NBPF3: variants seen among roughly 807,000 people sequenced by gnomAD.
NBPF3 encodes NBPF family member NBPF3.
A neutral mutation model predicts 78.1 loss-of-function variants in NBPF3; 57 were observed. The observed-to-expected ratio is 0.73, with a 90% confidence interval of 0.59 to 0.91. The LOEUF (loss-of-function observed/expected upper bound fraction) is 0.91, where lower values mean the gene tolerates loss of function less well. NBPF3 is among the 40% of genes least tolerant of loss of function. The pLI is 0.00. For missense variants in NBPF3, 510 were observed against 715.3 expected (o/e 0.71, Z 3.27); for synonymous variants, 182 against 271.7 (o/e 0.67, Z 3.25).
rs1222688181 is a variant in NBPF3, at chr1:21,460,182, C to A, written c.134-8506C>A. 2 of 21,350 alleles carry A rather than the reference C, an allele frequency of 9.4e-5. 1 individual carries two copies. The highest frequency in any genetic ancestry group is 3.7e-4 in the Non-Finnish European group (2 of 5,338). The allele number at this position is 21,350 out of a possible 1,614,324, so 1.3% of individuals were successfully genotyped here. A position where few individuals can be genotyped will look rare whatever the true frequency, so the allele number is the denominator to read the frequency against. ...AGCTGCGTGCAGGCACTGCCGTCCTCACCACGGCTCTGCTGGCTGTGCAGT... is the reference window on the plus strand; with the variant it reads ...AGCTGCGTGCAGGCACTGCCGTCCTAACCACGGCTCTGCTGGCTGTGCAGT... On this transcript the variant is annotated intron_variant, in intron 2 of 14. Transcript: ENST00000318249. This position sits in a 1 kb window ranked among gnomAD's most constrained non-coding sequence, Gnocchi z 4.2.
intron 1 of NBPF3, among the ~76,000 whole-genome samples, chr1:21,443,899 T>G (rs1415434153): frequency 1.7e-4 from 26 of 152,200 alleles, no homozygotes; most frequent in Admixed American, 1.7e-3. Context: ...GCATGAGCCA[T>G]CACACCTGGC....
chr1:21,441,438 A>G (rs1640641261), intron 1 of NBPF3, among the ~76,000 whole-genome samples: 1 of 152,132 alleles, frequency 6.6e-6, no homozygotes, highest in Non-Finnish European at 1.5e-5. Context: ...CGGGCGCAGT[A>G]GATCACACCT....
At chr1:21,444,278 A>G (rs1190654868) in intron 1 of NBPF3, among the ~76,000 whole-genome samples, 1 of 152,246 alleles carries the variant, frequency 6.6e-6, no homozygotes, top group Non-Finnish European at 1.5e-5. Context: ...GGAAATGTCA[A>G]TGAAAAATAA....
At chr1:21,447,939 C>T (rs1191609829) in intron 2 of NBPF3, among the ~76,000 whole-genome samples, 1 of 152,082 alleles carries the variant, frequency 6.6e-6, no homozygotes, top group African/African-American at 2.4e-5. Context: ...TATTTGCCAT[C>T]TGTATATCTT....
chr1:21,475,958 G>A (rs1250178899), intron 8 of NBPF3, among the ~76,000 whole-genome samples: 2 of 152,006 alleles, frequency 1.3e-5, no homozygotes, highest in African/African-American at 2.4e-5. Flanking sequence ...GGGTGCTCCC[G>A]TATTGGATAT....
upstream of NBPF3, among the ~76,000 whole-genome samples, chr1:21,439,255 G>C (rs1402987854): frequency 2.0e-5 from 3 of 152,136 alleles, no homozygotes; most frequent in African/African-American, 7.2e-5. Context: ...CTCCAGCAAG[G>C]GTGACAGAGC....
chr1:21,471,984 A>G (rs1642625281), intron 5 of NBPF3, among the ~76,000 whole-genome samples: 1 of 152,172 alleles, frequency 6.6e-6, no homozygotes, highest in Non-Finnish European at 1.5e-5. Flanking sequence ...ACAGTATTTC[A>G]AATGTCCCTC....
chr1:21,468,702 T>A lies in NBPF3; in HGVS notation c.148T>A (p.Ser50Thr), dbSNP rs755140110. ...CTTCTCCCCAGTCCCTGGCCCCACC[T>A]CTTCTGCCACAAACGTCAGCATGGT... ...LRDPTVPGPT[S>T]SATNVSMVVS... Residue 50 changes from serine (S) to threonine (T), a missense_variant, in exon 3 of 15, where the codon TCT (serine) becomes ACT (threonine). By Grantham distance (58) the Ser-to-Thr change is moderately conservative. Coordinates refer to ENST00000318249, the MANE Select transcript of NBPF3 (RefSeq NM_032264.6). 31 of 1,613,262 alleles carry A rather than the reference T, an allele frequency of 1.9e-5. No homozygotes were observed. The East Asian group carries it at 6.9e-4, about 36-fold the overall frequency.
rs1336295031 is a variant in NBPF3, at chr1:21,460,438, T to C, written c.134-8250T>C. Among the ~76,000 whole-genome samples the C allele has an allele frequency of 1.3e-5, 2 of 152,198 alleles. No individual in the cohort carries two copies. Among genetic ancestry groups the C allele is most frequent in the Non-Finnish European group, 1.5e-5 (1 of 68,040 alleles). On this transcript the variant is annotated intron_variant, in intron 2 of 14. Transcript: ENST00000318249. The surrounding 1 kb of genome is among the most constrained non-coding windows in gnomAD (Gnocchi z 4.2). ...CCCGCCCTGTGTCCAAGTGTTCTCA[T>C]TGTTCAGTTCCCATCCATGAGTGAG...
intron 2 of NBPF3, chr1:21,468,170 G>C (rs1642381667): frequency 6.0e-6 from 1 of 165,414 alleles, no homozygotes; most frequent in South Asian, 1.7e-4. Flanking sequence ...ATAACCTGTT[G>C]GGAAACTGGT....
chr1:21,440,170 G>C lies in NBPF3; in HGVS notation c.-318G>C, dbSNP rs1566523. The C allele has an allele frequency of 0.45, 68,770 of 152,250 alleles. 17,375 individuals carry two copies. Among genetic ancestry groups the C allele is most frequent in the Middle Eastern group, 0.61 (180 of 294 alleles). 9.4% of individuals were successfully genotyped at this position (152,250 alleles called of 1,614,324 possible). ...GGGGTTGGGTGGCGGTTGAGACAGC[G>C]GCGGTACTGGGATGGGTAGGTGAGG... On this transcript the variant is annotated 5_prime_UTR_variant, in exon 1 of 15. Coordinates refer to ENST00000318249, the MANE Select transcript of NBPF3 (RefSeq NM_032264.6).
At chr1:21,452,699 C>T (rs550221047) in intron 2 of NBPF3, among the ~76,000 whole-genome samples, 9 of 152,338 alleles carry the variant, frequency 5.9e-5, no homozygotes, top group Non-Finnish European at 1.3e-4. Context: ...AAATGAGCAG[C>T]TGACAGTGGC....
Position 21,473,469 on chromosome 1 carries a change from A to G in NBPF3, c.824A>G (p.Glu275Gly). ...TGTTCAAATAGCCACCACCCTTGTG[A>G]GTCCAACCAGCCTTACGGGAACACC... ...ITCSNSHHPC[E>G]SNQPYGNTRI... Residue 275 changes from glutamate to glycine, a missense_variant, in exon 7 of 15, where the codon GAG becomes GGG. By Grantham distance (98) the Glu-to-Gly change is moderately conservative. Transcript: ENST00000318249. 1 of 1,614,230 alleles carries G rather than the reference A, an allele frequency of 6.2e-7. No homozygotes were observed. The highest frequency in any genetic ancestry group is 8.5e-7 in the Non-Finnish European group (1 of 1,180,046).
chr1:21,448,787 C>G (rs1641135701), intron 2 of NBPF3, among the ~76,000 whole-genome samples: 1 of 152,162 alleles, frequency 6.6e-6, no homozygotes, highest in Admixed American at 6.5e-5. Context: ...AGCTCTGACT[C>G]CTTGTGTGTT....
In NBPF3 at chr1:21,478,292, G is replaced by A. The variant is rs774033194; in HGVS notation, c.1141G>A (p.Ala381Thr). 3.1e-6 allele frequency: 5 copies of A among 1,613,932 alleles called. No individual in the cohort carries two copies. Among genetic ancestry groups the A allele is most frequent in the South Asian group, 1.1e-5 (1 of 91,076 alleles). Residue 381 changes from alanine to threonine, a missense_variant, in exon 9 of 15, where the codon GCT (alanine) becomes ACT (threonine). This residue lies in a region of NBPF3 where 440 missense variants were observed against 478.2 expected (regional missense o/e 0.92). Coordinates refer to ENST00000318249, the MANE Select transcript of NBPF3 (RefSeq NM_032264.6). Reference sequence around the variant, plus strand: ...AGTAGAGGAACAGCAAGTCGGCTTGGCTCTTGACATAGGCAGTGAGTACTC... The same window carrying A: ...AGTAGAGGAACAGCAAGTCGGCTTGACTCTTGACATAGGCAGTGAGTACTC... Reference protein sequence around the residue: ...HSVEEQQVGLALDIGRHWCDQ... With the variant: ...HSVEEQQVGLTLDIGRHWCDQ...
rs78696607 is a variant in NBPF3 at position 21,444,939 on chromosome 1, A to C, written c.-139-9A>C. On this transcript the variant is annotated splice_polypyrimidine_tract_variant and intron_variant, in intron 1 of 14. Coordinates refer to ENST00000318249, the MANE Select transcript of NBPF3 (RefSeq NM_032264.6). ...ATGTTAACCTTGATTTCTCTCTTTT[A>C]TCTCACAGGCAATCTGAAGGCAAAT... The C allele has an allele frequency of 1.3e-6, 1 of 772,396 alleles. No individual in the cohort carries two copies. Among genetic ancestry groups the C allele is most frequent in the Admixed American group, 3.1e-5 (1 of 32,424 alleles). 47.8% of individuals were successfully genotyped at this position (772,396 alleles called of 1,614,324 possible). A position where few individuals can be genotyped will look rare whatever the true frequency, so the allele number is the denominator to read the frequency against.
chr1:21,473,047 C>T, intron 6 of NBPF3, 132 bp downstream of exon 6: 2 of 763,790 alleles, frequency 2.6e-6, no homozygotes, highest in Admixed American at 4.3e-5. Context: ...AAACTCAAGC[C>T]AGCTTGGACA....
chr1:21,483,158 G>C lies in NBPF3; in HGVS notation c.1674G>C (p.Leu558=), dbSNP rs758878457. The change falls in exon 15 of 15, where the codon CTG becomes CTC. Residue 558 remains leucine, a synonymous_variant. Coordinates refer to ENST00000318249, the MANE Select transcript of NBPF3 (RefSeq NM_032264.6). The stretch of plus-strand genomic sequence containing the variant: ...CCTTTTCCAGGCTCAACGAGGTGCT[G>C]ATGGAAGCAGAAGAGCCTGAAGTCT... ...KPPCPRLNEV[L]MEAEEPEVLQ... The C allele has an allele frequency of 3.1e-6, 5 of 1,610,854 alleles. No homozygotes were observed. The highest frequency in any genetic ancestry group is 1.8e-4 in the Middle Eastern group (1 of 5,572).
chr1:21,466,853 C>G, intron 2 of NBPF3: 1 of 323,572 alleles, frequency 3.1e-6, no homozygotes, highest in Non-Finnish European at 4.4e-6. Flanking sequence ...ATACAATGTC[C>G]AAATGTAAGC....
Sources: allele counts gnomAD v4.1 joint callset (sites outside exome capture counted in the v4.1 genomes callset), GRCh38; gene constraint gnomAD v4.1.1; regional missense constraint gnomAD v4.1.1; non-coding constraint Gnocchi (gnomAD v3.1); transcripts MANE v1.5; gene names NCBI Gene and HGNC (gene_info 2026-07-23, HGNC 2026-07-21).